TRPC1: variants seen among roughly 807,000 people sequenced by gnomAD.
TRPC1 encodes the protein transient receptor potential cation channel subfamily C member 1.
Under a neutral mutation model 88.2 loss-of-function variants are expected in TRPC1, and 42 were observed. The ratio of observed to expected loss-of-function variants is 0.48; its 90% CI spans 0.37 to 0.62. The LOEUF is 0.62. Ranked by LOEUF, TRPC1 falls within the 20% of genes least tolerant of loss-of-function variation. TRPC1 has a pLI of 0.00. For missense variants in TRPC1, 699 were observed against 957.3 expected (o/e 0.73, Z 3.56); for synonymous variants, 288 against 331.8 (o/e 0.87, Z 1.43).
intron 4 of TRPC1, among the ~76,000 whole-genome samples, chr3:142,755,353 A>G (rs954871635): frequency 4.6e-5 from 7 of 152,180 alleles, no homozygotes; most frequent in African/African-American, 1.7e-4. Context: ...TAAACCTGGG[A>G]GGCAGAGGTT....
At chr3:142,736,858 T>C (rs1934157351) in intron 2 of TRPC1, among the ~76,000 whole-genome samples, 1 of 152,146 alleles carries the variant, frequency 6.6e-6, no homozygotes, top group African/African-American at 2.4e-5. Flanking sequence ...TTATATTATA[T>C]ATCTAAAATA....
At chr3:142,764,237 G>GT (rs1935310540) in intron 4 of TRPC1, among the ~76,000 whole-genome samples, 1 of 151,424 alleles carries the variant, frequency 6.6e-6, no homozygotes, top group Non-Finnish European at 1.5e-5. Context: ...AGTTATTATT[G>GT]TTTTTGATAA....
intron 4 of TRPC1, among the ~76,000 whole-genome samples, chr3:142,760,695 A>G (rs186209515): frequency 7.9e-5 from 12 of 152,300 alleles, no homozygotes; most frequent in Admixed American, 7.8e-4. Context: ...AACAACATTA[A>G]TTCTTCCAGT....
rs1457423375 is a variant in TRPC1 at position 142,729,606 on chromosome 3, A to G, written c.172+4875A>G. Among the ~76,000 whole-genome samples, 3 of 152,312 alleles carry G rather than the reference A, an allele frequency of 2.0e-5. No individual in the cohort carries two copies. In the East Asian group the frequency reaches 5.8e-4, roughly 29 times the overall value. Reference sequence around the variant, plus strand: ...AGCCAGACTCCTAGCTATACCTTGTATATAGACTTGGAGGAAGAGTGTGAA... The same window carrying G: ...AGCCAGACTCCTAGCTATACCTTGTGTATAGACTTGGAGGAAGAGTGTGAA... On this transcript the variant is annotated intron_variant, in intron 1 of 12. Transcript: ENST00000476941.
chr3:142,775,018 T>C (rs1935713217), intron 4 of TRPC1, among the ~76,000 whole-genome samples: 1 of 152,226 alleles, frequency 6.6e-6, no homozygotes, highest in Non-Finnish European at 1.5e-5. Context: ...TGTGATAAAA[T>C]TAATTAATGT....
intron 4 of TRPC1, among the ~76,000 whole-genome samples, chr3:142,759,455 T>A (rs139116244): frequency 6.7e-4 from 102 of 152,376 alleles, no homozygotes; most frequent in African/African-American, 2.4e-3. Context: ...CATGTGTCTG[T>A]TGGGTGCATA....
intron 4 of TRPC1, among the ~76,000 whole-genome samples, chr3:142,752,510 G>A (rs1031698170): frequency 6.6e-6 from 1 of 152,168 alleles, no homozygotes; most frequent in Non-Finnish European, 1.5e-5. Flanking sequence ...ATGTACAATC[G>A]GGTTTTACAC....
At position 142,785,174 on chromosome 3, in the gene TRPC1, A is replaced by G. The variant is rs1038189427; in HGVS notation, c.1297+134A>G. 24 of 698,298 alleles carry G rather than the reference A, an allele frequency of 3.4e-5. 1 individual carries two copies. The highest frequency in any genetic ancestry group is 5.4e-5 in the African/African-American group (3 of 55,186). 43.3% of individuals were successfully genotyped at this position (698,298 alleles called of 1,614,324 possible). ...ACACCACAAGAATTTGAACACTTCC[A>G]TGATCACTGAAGACTTAACTAACAT... On this transcript the variant is annotated intron_variant, in intron 7 of 12. Transcript: ENST00000476941.
chr3:142,795,864 G>A (rs1936436203), intron 9 of TRPC1, among the ~76,000 whole-genome samples: 1 of 152,028 alleles, frequency 6.6e-6, no homozygotes, highest in African/African-American at 2.4e-5. Context: ...TTGCTTTTAT[G>A]AAGGATGCCA....
intron 2 of TRPC1, among the ~76,000 whole-genome samples, chr3:142,743,080 A>T (rs1934412137): frequency 6.6e-6 from 1 of 152,184 alleles, no homozygotes; most frequent in Admixed American, 6.5e-5. Flanking sequence ...GACTGAAAAA[A>T]ATCCTTTACC....
chr3:142,753,500 T>C (rs1185396532), intron 4 of TRPC1, among the ~76,000 whole-genome samples: 2 of 152,198 alleles, frequency 1.3e-5, no homozygotes, highest in African/African-American at 2.4e-5. Context: ...GCGCGGTGGC[T>C]CACGCCTGTA....
At chr3:142,731,584 CTG>C (rs962164653) in intron 1 of TRPC1, among the ~76,000 whole-genome samples, 1 of 151,678 alleles carries the variant, frequency 6.6e-6, no homozygotes. Flanking sequence ...CGGGGTTTCA[CTG>C]TGTTAGCCAA....
At chr3:142,787,561 A>C (rs1186797605) in intron 7 of TRPC1, among the ~76,000 whole-genome samples, 1 of 152,226 alleles carries the variant, frequency 6.6e-6, no homozygotes, top group Non-Finnish European at 1.5e-5. Flanking sequence ...AATTTTTGCT[A>C]TTAAACATAA....
In TRPC1 at chr3:142,743,467, C is replaced by A; in HGVS notation, c.328-18C>A. On this transcript the variant is annotated intron_variant, in intron 2 of 12. Transcript: ENST00000476941. ...TTTTATCTTCCATTTTCATTTTTAA[C>A]TTTTTTTTTTTTTGAAGTCTGCAGA... 5.2e-6 allele frequency: 6 copies of A among 1,155,570 alleles called. No homozygotes were observed. The highest frequency in any genetic ancestry group is 7.0e-6 in the Non-Finnish European group (6 of 859,870). 71.6% of individuals were successfully genotyped at this position (1,155,570 alleles called of 1,614,324 possible).
intron 4 of TRPC1, among the ~76,000 whole-genome samples, chr3:142,770,586 T>C (rs1281967565): frequency 6.6e-6 from 1 of 152,226 alleles, no homozygotes; most frequent in African/African-American, 2.4e-5. Context: ...GTCTGTCTTC[T>C]GTAGACAACA....
Position 142,724,314 on chromosome 3 carries a change from C to T in TRPC1, c.-246C>T. The T allele has an allele frequency of 3.7e-6, 1 of 273,226 alleles. No individual in the cohort carries two copies. The highest frequency in any genetic ancestry group is 2.2e-5 in the African/African-American group (1 of 45,078). The allele number at this position is 273,226 out of a possible 1,614,324, so 16.9% of individuals were successfully genotyped here. ...ACCGGCTCGGCCGGGGCGCCGGCGG[C>T]TGGGGAGGGGTCGCTGGCCCCGGGG... On this transcript the variant is annotated 5_prime_UTR_variant, in exon 1 of 13. Coordinates refer to ENST00000476941, the MANE Select transcript of TRPC1 (RefSeq NM_001251845.2). This position sits in a 1 kb window ranked among gnomAD's most constrained non-coding sequence, Gnocchi z 5.6.
Position 142,724,425 on chromosome 3 carries a change from G to C in TRPC1, c.-135G>C. The C allele has an allele frequency of 2.5e-6, 2 of 814,144 alleles. No individual in the cohort carries two copies. Among genetic ancestry groups the C allele is most frequent in the South Asian group, 4.5e-5 (2 of 44,840 alleles). The allele number at this position is 814,144 out of a possible 1,614,324, so 50.4% of individuals were successfully genotyped here. Reference sequence around the variant, plus strand: ...GGAGGCGACGCCCTTCGGGGCCAACGGGCCTCGAGCCGAGGCAGCAGTGGG... The same window carrying C: ...GGAGGCGACGCCCTTCGGGGCCAACCGGCCTCGAGCCGAGGCAGCAGTGGG... On this transcript the variant is annotated 5_prime_UTR_variant, in exon 1 of 13. Transcript: ENST00000476941. This position sits in a 1 kb window ranked among gnomAD's most constrained non-coding sequence, Gnocchi z 5.6.
intron 2 of TRPC1, among the ~76,000 whole-genome samples, chr3:142,740,772 G>A (rs560968839): frequency 6.6e-6 from 1 of 152,286 alleles, no homozygotes; most frequent in East Asian, 1.9e-4. Context: ...GATTTGCAAA[G>A]TTTGACACAA....
intron 4 of TRPC1, among the ~76,000 whole-genome samples, chr3:142,750,007 C>T (rs1212865468): frequency 1.3e-5 from 2 of 152,160 alleles, no homozygotes; most frequent in Non-Finnish European, 2.9e-5. Context: ...AGGACATAGG[C>T]ATGGGCAAAG....
Sources: gnomAD v4.1 joint callset for allele counts (sites outside exome capture counted in the v4.1 genomes callset) on GRCh38, gnomAD v4.1.1 for gene constraint, Gnocchi (gnomAD v3.1) non-coding constraint, MANE v1.5 for transcripts, NCBI Gene and HGNC (gene_info 2026-07-23, HGNC 2026-07-21) for gene names.